Variants in MIPOL1 observed in about 807,000 individuals in gnomAD.
The protein encoded by MIPOL1 is mirror-image polydactyly gene 1 protein.
A neutral mutation model predicts 60.9 loss-of-function variants in MIPOL1; 57 were observed. That is an observed-to-expected ratio of 0.94 (90% CI 0.76 to 1.17). The LOEUF (loss-of-function observed/expected upper bound fraction) is 1.17, where lower values mean the gene tolerates loss of function less well. MIPOL1 is among the 50% of genes most tolerant of loss of function. MIPOL1 has a pLI of 0.00. For missense variants in MIPOL1, 551 were observed against 511.6 expected (o/e 1.08, Z -0.74); for synonymous variants, 179 against 168.8 (o/e 1.06, Z -0.47).
intron 9 of MIPOL1, among the ~76,000 whole-genome samples, chr14:37,356,924 C>T (rs2091888660): frequency 6.6e-6 from 1 of 152,158 alleles, no homozygotes. Context: ...GCCATCTTGG[C>T]TCCTCCCCCC....
Position 37,308,412 on chromosome 14 carries a change from G to T in MIPOL1, c.721G>T (p.Gly241Ter). The change falls in exon 9 of 13, where the codon GGA becomes TGA. Residue 241 changes from glycine to a stop codon, truncating the protein, a stop_gained. Transcript: ENST00000684589. LOFTEE classifies it high-confidence loss of function. ...ADTGIAIQKN[G>*]AIIVDRIYKT... ...CACAGGGATAGCTATTCAGAAGAAT[G>T]GAGCTATAATTGTGGATAGAATCTA... The T allele has an allele frequency of 6.2e-7, 1 of 1,604,694 alleles. No individual in the cohort carries two copies. Among genetic ancestry groups the T allele is most frequent in the African/African-American group, 1.3e-5 (1 of 74,638 alleles).
chr14:37,216,461 G>A (rs185957698), intron 1 of MIPOL1, among the ~76,000 whole-genome samples: 46 of 152,296 alleles, frequency 3.0e-4, no homozygotes, highest in Admixed American at 2.1e-3. Flanking sequence ...GAACATTTAA[G>A]TGAAGAGCTA....
At chr14:37,478,731 G>A (rs999396629) in intron 11 of MIPOL1, among the ~76,000 whole-genome samples, 7 of 152,050 alleles carry the variant, frequency 4.6e-5, no homozygotes, top group African/African-American at 1.2e-4. Context: ...GATATTCCAC[G>A]TAAATGGATA....
At chr14:37,524,399 G>A (rs79620078) in intron 12 of MIPOL1, among the ~76,000 whole-genome samples, 11,429 of 152,068 alleles carry the variant, frequency 0.075, 588 homozygotes, top group Non-Finnish European at 0.11. Flanking sequence ...GTCTTGAACA[G>A]TCTGATAAAT....
At chr14:37,234,699 G>A (rs535409134) in intron 1 of MIPOL1, among the ~76,000 whole-genome samples, 12 of 151,782 alleles carry the variant, frequency 7.9e-5, no homozygotes, top group African/African-American at 2.9e-4. Context: ...CTAAAATATA[G>A]TAGGCTTCCA....
At position 37,358,479 on chromosome 14, in the gene MIPOL1, C is replaced by T. The variant is rs111881720; in HGVS notation, c.829-11038C>T. 2.3e-3 allele frequency among the ~76,000 whole-genome samples: 354 copies of T among 152,264 alleles called. 2 individuals are homozygous for T. The highest frequency in any genetic ancestry group is 8.0e-3 in the African/African-American group (332 of 41,554). On this transcript the variant is annotated intron_variant, in intron 9 of 12. Coordinates refer to ENST00000684589, the MANE Select transcript of MIPOL1 (RefSeq NM_001388067.1). Reference sequence around the variant, plus strand: ...AAGTGTAAAAGCGTTCCTATTTCTCCACATCCTCTCCAGCATCTGTTGTTT... The same window carrying T: ...AAGTGTAAAAGCGTTCCTATTTCTCTACATCCTCTCCAGCATCTGTTGTTT...
intron 11 of MIPOL1, among the ~76,000 whole-genome samples, chr14:37,492,225 T>C (rs998935681): frequency 6.6e-6 from 1 of 152,224 alleles, no homozygotes; most frequent in Non-Finnish European, 1.5e-5. Context: ...CTTTCAGAAA[T>C]GTATTCTTAG....
At position 37,445,946 on chromosome 14, in the gene MIPOL1, G is replaced by A. The variant is rs1381352097; in HGVS notation, c.1031+22997G>A. On this transcript the variant is annotated intron_variant, in intron 11 of 12. Coordinates refer to ENST00000684589, the MANE Select transcript of MIPOL1 (RefSeq NM_001388067.1). ...TTCAAGATGGATTAAAGACTTAAAC[G>A]TTAGACCTAAAACCATAAAAACCCT... Among the ~76,000 whole-genome samples, 34 of 152,102 alleles carry A rather than the reference G, an allele frequency of 2.2e-4. 1 individual carries two copies. Among genetic ancestry groups the A allele is most frequent in the Admixed American group, 1.8e-3 (28 of 15,256 alleles).
At chr14:37,380,253 A>G (rs965365919) in intron 10 of MIPOL1, among the ~76,000 whole-genome samples, 5 of 152,116 alleles carry the variant, frequency 3.3e-5, no homozygotes, top group African/African-American at 1.2e-4. Context: ...CTTGGTTTCT[A>G]ACAGCGTTCT....
chr14:37,393,939 C>T (rs1207470742), intron 10 of MIPOL1, among the ~76,000 whole-genome samples: 3 of 149,908 alleles, frequency 2.0e-5, no homozygotes, highest in African/African-American at 7.4e-5. Flanking sequence ...TCAGTGAGAA[C>T]ATATGATGAT....
At chr14:37,292,051 A>G (rs1383637871) in intron 7 of MIPOL1, among the ~76,000 whole-genome samples, 4 of 150,716 alleles carry the variant, frequency 2.7e-5, no homozygotes, top group Non-Finnish European at 5.9e-5. Context: ...TCACCCTGCT[A>G]AGTAGCTGGG....
In MIPOL1 at chr14:37,247,845, A is replaced by G. The variant is rs771242020; in HGVS notation, c.-44A>G. The stretch of plus-strand genomic sequence containing the variant: ...TTATTTTAGCTGCAAATCTTGGAGC[A>G]AAAACCAGAGACATTGCCAGAGCAA... On this transcript the variant is annotated 5_prime_UTR_variant, in exon 3 of 13. Coordinates refer to ENST00000684589, the MANE Select transcript of MIPOL1 (RefSeq NM_001388067.1). 1.9e-6 allele frequency: 3 copies of G among 1,609,122 alleles called. No individual in the cohort carries two copies. The South Asian group carries it at 3.3e-5, about 18-fold the overall frequency.
At chr14:37,252,147 T>G (rs1206463016) in intron 3 of MIPOL1, among the ~76,000 whole-genome samples, 1 of 151,640 alleles carries the variant, frequency 6.6e-6, no homozygotes, top group Non-Finnish European at 1.5e-5. Context: ...GTTTTTAGGT[T>G]TATTATTTGG....
intron 11 of MIPOL1, among the ~76,000 whole-genome samples, chr14:37,468,646 C>T (rs1211636316): frequency 6.6e-6 from 1 of 152,160 alleles, no homozygotes; most frequent in Non-Finnish European, 1.5e-5. Flanking sequence ...TTATCTATTT[C>T]ACAAATATTA....
intron 1 of MIPOL1, among the ~76,000 whole-genome samples, chr14:37,241,282 A>G (rs1029090635): frequency 2.0e-5 from 3 of 152,124 alleles, no homozygotes; most frequent in Non-Finnish European, 4.4e-5. Flanking sequence ...GAATGATTAA[A>G]TGGCCCACCT....
At chr14:37,304,481 T>G (rs2086620501) in intron 7 of MIPOL1, among the ~76,000 whole-genome samples, 1 of 151,818 alleles carries the variant, frequency 6.6e-6, no homozygotes, top group Non-Finnish European at 1.5e-5. Context: ...TTTGCTATTG[T>G]TGGTACTTTT....
chr14:37,478,274 T>C (rs2094808218), intron 11 of MIPOL1, among the ~76,000 whole-genome samples: 2 of 152,166 alleles, frequency 1.3e-5, no homozygotes, highest in South Asian at 4.1e-4. Context: ...AATAGTGTAC[T>C]GGTCATGAAA....
intron 9 of MIPOL1, among the ~76,000 whole-genome samples, chr14:37,312,354 G>T (rs2087423268): frequency 6.6e-6 from 1 of 152,048 alleles, no homozygotes; most frequent in Admixed American, 6.6e-5. Context: ...CAAATGATCT[G>T]CCCACCTTGG....
intron 9 of MIPOL1, among the ~76,000 whole-genome samples, chr14:37,323,932 T>C (rs1325218075): frequency 1.3e-5 from 2 of 152,034 alleles, no homozygotes; most frequent in Non-Finnish European, 2.9e-5. Context: ...TAATACTTCA[T>C]TGTTTAATAT....
Sources: gnomAD v4.1 joint callset for allele counts (sites outside exome capture counted in the v4.1 genomes callset) on GRCh38, gnomAD v4.1.1 for gene constraint, MANE v1.5 for transcripts, NCBI Gene and HGNC (gene_info 2026-07-23, HGNC 2026-07-21) for gene names.